Variants in PZP observed in about 807,000 individuals in gnomAD.
PZP encodes the protein pregnancy zone protein.
In PZP, 150 loss-of-function variants were observed where a neutral mutation model predicts 179.8. That is an observed-to-expected ratio of 0.83 (90% CI 0.73 to 0.96). PZP has a LOEUF of 0.96. Ranked by LOEUF, PZP falls within the 40% of genes least tolerant of loss-of-function variation. The pLI, the probability that PZP is intolerant of heterozygous loss-of-function variation, is 0.00. For missense variants in PZP, 1,689 were observed against 1,764.0 expected (o/e 0.96, Z 0.76); for synonymous variants, 624 against 652.3 (o/e 0.96, Z 0.66).
At position 9,202,682 on chromosome 12, in the gene PZP, GA is replaced by G; in HGVS notation, c.269del (p.Leu90ProfsTer17). 6.2e-7 allele frequency: 1 copy of G among 1,612,818 alleles called. No individual in the cohort carries two copies. The highest frequency in any genetic ancestry group is 2.2e-5 in the East Asian group (1 of 44,868). ...CCTCTGAAGAGGCTGAGATCCTTGG[GA>G]GCTAAAAAGCAAAGGATTTTTTACT... Reference protein sequence around the residue: ...KDLFHCVSFTLPRISASSEVA... With the variant: ...KDLFHCVSFTXPRISASSEVA... On this transcript the variant is annotated frameshift_variant and splice_region_variant, in exon 3 of 36. Coordinates refer to ENST00000261336, the MANE Select transcript of PZP (RefSeq NM_002864.3). LOFTEE classifies it high-confidence loss of function.
At chr12:9,201,303 T>C in intron 5 of PZP, 24 bp downstream of exon 5, 1 of 1,515,098 alleles carries the variant, frequency 6.6e-7, no homozygotes, top group Non-Finnish European at 9.1e-7. Flanking sequence ...AATTTCCTTA[T>C]AAGATACTTT....
intron 1 of PZP, 101 bp downstream of exon 1, chr12:9,208,158 G>T: frequency 2.5e-6 from 2 of 803,536 alleles, no homozygotes; most frequent in Admixed American, 1.9e-5. Context: ...GGAAGGTATT[G>T]TAATGAGTGG....
At chr12:9,158,091 C>A (rs1940896679) in intron 26 of PZP, among the ~76,000 whole-genome samples, 1 of 152,174 alleles carries the variant, frequency 6.6e-6, no homozygotes. Flanking sequence ...GCTGCAACTA[C>A]AGGCACAGGC....
chr12:9,178,976 T>C (rs1942576232), intron 15 of PZP, among the ~76,000 whole-genome samples: 1 of 152,210 alleles, frequency 6.6e-6, no homozygotes, highest in South Asian at 2.1e-4. Flanking sequence ...TATTACGAAT[T>C]TACCAACCAA....
chr12:9,149,103 G>A lies in PZP; in HGVS notation c.4427-109C>T, dbSNP rs146228349. ...GCAGGGTCAGGAAACTTTGTGAAAG[G>A]CCAGATGGTAATTATTTTAGGTTTA... On this transcript the variant is annotated intron_variant, in intron 35 of 35. Coordinates refer to ENST00000261336, the MANE Select transcript of PZP (RefSeq NM_002864.3). The A allele has an allele frequency of 6.4e-4, 600 of 941,100 alleles. 1 individual carries two copies. The highest frequency in any genetic ancestry group is 9.5e-4 in the Non-Finnish European group (552 of 582,740). The allele number at this position is 941,100 out of a possible 1,614,324, so 58.3% of individuals were successfully genotyped here.
chr12:9,162,498 C>T, intron 22 of PZP, 99 bp downstream of exon 22: 3 of 838,244 alleles, frequency 3.6e-6, no homozygotes, highest in Admixed American at 2.2e-5. Flanking sequence ...TCATGGAACA[C>T]TCTGAAAACT....
chr12:9,201,363 AAAG>A lies in PZP; in HGVS notation c.481-19_481-17del. The A allele has an allele frequency of 1.3e-6, 2 of 1,553,350 alleles. No homozygotes were observed. The highest frequency in any genetic ancestry group is 1.8e-6 in the Non-Finnish European group (2 of 1,131,158). On this transcript the variant is annotated splice_polypyrimidine_tract_variant and intron_variant, in intron 4 of 35. Transcript: ENST00000261336. ...TCAGTGGAATCTATATGATAAAAGG[AAAG>A]AAGAGATGTGATTAGAATTCCAGCA...
At chr12:9,151,043 T>C (rs771786551) in intron 33 of PZP, among the ~76,000 whole-genome samples, 1 of 152,346 alleles carries the variant, frequency 6.6e-6, no homozygotes, top group South Asian at 2.1e-4. Context: ...AAACATGGTT[T>C]CATACAATCT....
intron 15 of PZP, among the ~76,000 whole-genome samples, chr12:9,176,364 G>T (rs900570900): frequency 1.3e-5 from 2 of 152,146 alleles, no homozygotes; most frequent in African/African-American, 4.8e-5. Context: ...TAATACCTAG[G>T]TGATGGGTTG....
chr12:9,149,081 G>A, intron 35 of PZP, 87 bp from the exon 36 acceptor site: 2 of 1,247,802 alleles, frequency 1.6e-6, no homozygotes, highest in Admixed American at 1.8e-5. Flanking sequence ...AGCTTATGCA[G>A]GGTCAGGAAA....
chr12:9,176,563 G>C (rs924873535), intron 15 of PZP, among the ~76,000 whole-genome samples: 3 of 152,234 alleles, frequency 2.0e-5, no homozygotes, highest in Non-Finnish European at 4.4e-5. Context: ...ATATTGGATA[G>C]ACCAATGTCT....
chr12:9,152,164 T>C, intron 32 of PZP, 56 bp downstream of exon 32: 1 of 1,242,890 alleles, frequency 8.0e-7, no homozygotes. Flanking sequence ...TGGTCTTAGT[T>C]TGGGGATACA....
chr12:9,196,274 C>CTG, intron 10 of PZP, 56 bp downstream of exon 10: 1 of 1,239,260 alleles, frequency 8.1e-7, no homozygotes, highest in East Asian at 2.3e-5. Context: ...TCATTGTGTC[C>CTG]TGTGCTTAGG....
intron 18 of PZP, 35 bp downstream of exon 18, chr12:9,166,017 C>T (rs1409029522): frequency 6.4e-7 from 1 of 1,574,750 alleles, no homozygotes; most frequent in Admixed American, 2.0e-5. Context: ...ACATTCCCTC[C>T]CCTCCAGCAA....
chr12:9,192,530 C>T lies in PZP; in HGVS notation c.1464G>A (p.Glu488=). ...LNRQAMGELS[E]LSFHYLIMAK... Reference sequence around the variant, plus strand: ...TTCTTACCAGGTAATGGAAACTGAGCTCCGATAACTCTCCCATGGCCTGTC... The same window carrying T: ...TTCTTACCAGGTAATGGAAACTGAGTTCCGATAACTCTCCCATGGCCTGTC... Residue 488 remains glutamate, a synonymous_variant, in exon 12 of 36, where the codon GAG becomes GAA. Transcript: ENST00000261336. 6.2e-7 allele frequency: 1 copy of T among 1,613,426 alleles called. No homozygotes were observed. Among genetic ancestry groups the T allele is most frequent in the South Asian group, 1.1e-5 (1 of 91,048 alleles).
chr12:9,137,794 T>C, the PZP span, among the ~76,000 whole-genome samples: 3 of 152,114 alleles, frequency 2.0e-5, no homozygotes, highest in Non-Finnish European at 4.4e-5. Context: ...TAAATGGGAT[T>C]GTTGTCTTAA....
downstream of PZP, among the ~76,000 whole-genome samples, chr12:9,148,186 G>A (rs913794107): frequency 6.6e-6 from 1 of 152,102 alleles, no homozygotes; most frequent in African/African-American, 2.4e-5. Context: ...GAATGGTTAA[G>A]TCAAGCTAAT....
chr12:9,180,696 C>T (rs1484133511), intron 15 of PZP, among the ~76,000 whole-genome samples: 1 of 152,106 alleles, frequency 6.6e-6, no homozygotes, highest in East Asian at 1.9e-4. Context: ...CCATAAAAAC[C>T]CTAGAAGAAA....
rs1181555869 is a variant in PZP at position 9,151,512 on chromosome 12, T to C, written c.4281+92A>G. On this transcript the variant is annotated intron_variant, in intron 33 of 35. Coordinates refer to ENST00000261336, the MANE Select transcript of PZP (RefSeq NM_002864.3). ...TTTCTGGAAGGGCATTACTAATGAT[T>C]GTTTTCCTCATGTTACCGACTATTC... 1.7e-5 allele frequency: 18 copies of C among 1,049,674 alleles called. No individual in the cohort carries two copies. The Admixed American group carries it at 3.9e-4, about 23-fold the overall frequency. The allele number at this position is 1,049,674 out of a possible 1,614,324, so 65.0% of individuals were successfully genotyped here.
Sources: gnomAD v4.1 joint callset for allele counts (sites outside exome capture counted in the v4.1 genomes callset) on GRCh38, gnomAD v4.1.1 for gene constraint, MANE v1.5 for transcripts, NCBI Gene and HGNC (gene_info 2026-07-23, HGNC 2026-07-21) for gene names.